SPEF2: variants seen among roughly 807,000 people sequenced by gnomAD.
The protein encoded by SPEF2 is sperm flagellar and cilia associated 2.
Under a neutral mutation model 224.6 loss-of-function variants are expected in SPEF2, and 187 were observed. The observed-to-expected ratio is 0.83, with a 90% confidence interval of 0.74 to 0.94. The LOEUF (loss-of-function observed/expected upper bound fraction) is 0.94. Ranked by LOEUF, SPEF2 falls within the 40% of genes least tolerant of loss-of-function variation. SPEF2 has a pLI of 0.00. For missense variants in SPEF2, 2,170 were observed against 2,135.6 expected (o/e 1.02, Z -0.32); for synonymous variants, 715 against 707.3 (o/e 1.01, Z -0.17).
At position 35,670,527 on chromosome 5, in the gene SPEF2, T is replaced by C. The variant is rs559009877; in HGVS notation, c.1524+300T>C. On this transcript the variant is annotated intron_variant, in intron 10 of 36. Transcript: ENST00000356031. ...ATGCTTTAATTTATTTATTAGCATT[T>C]TTCTTTGTATGGGCTGTGTACTTTT... The C allele has an allele frequency of 2.6e-5, 27 of 1,029,186 alleles. No homozygotes were observed. The South Asian group carries it at 9.6e-4, about 37-fold the overall frequency. The allele number at this position is 1,029,186 out of a possible 1,614,324, so 63.8% of individuals were successfully genotyped here. A position where few individuals can be genotyped will look rare whatever the true frequency, so the allele number is the denominator to read the frequency against.
At chr5:35,731,021 T>G (rs1745556841) in intron 21 of SPEF2, among the ~76,000 whole-genome samples, 2 of 152,172 alleles carry the variant, frequency 1.3e-5, no homozygotes, top group South Asian at 2.1e-4. Flanking sequence ...TAGCCCATCG[T>G]AGGCACTTGA....
In SPEF2 at chr5:35,740,091, G is replaced by A. The variant is rs190548561; in HGVS notation, c.3192-38G>A. 5.1e-3 allele frequency: 8,245 copies of A among 1,613,998 alleles called. 28 individuals carry two copies. Among genetic ancestry groups the A allele is most frequent in the Non-Finnish European group, 6.4e-3 (7,504 of 1,179,982 alleles). ...TCAGAATTTTACAGTTTAGAGGCATGACATATAAAATTTATCTCATTCTAT... is the reference window on the plus strand; with the variant it reads ...TCAGAATTTTACAGTTTAGAGGCATAACATATAAAATTTATCTCATTCTAT... On this transcript the variant is annotated intron_variant, in intron 22 of 36. Coordinates refer to ENST00000356031, the MANE Select transcript of SPEF2 (RefSeq NM_024867.4).
At chr5:35,805,023 T>C (rs991571) in intron 34 of SPEF2, among the ~76,000 whole-genome samples, 28,405 of 152,200 alleles carry the variant, frequency 0.19, 3,630 homozygotes, top group East Asian at 0.48. Flanking sequence ...AGATTATTGA[T>C]GGGTAGCCAA....
intron 1 of SPEF2, among the ~76,000 whole-genome samples, chr5:35,625,735 C>G (rs1744142733): frequency 1.3e-5 from 2 of 152,068 alleles, no homozygotes; most frequent in African/African-American, 4.8e-5. Context: ...AAGCAACAGA[C>G]AGAAGAGGTG....
In SPEF2 at chr5:35,691,060, A is replaced by G; in HGVS notation, c.1548A>G (p.Leu516=). ...EYKNMVGEWA[L]PEEMVDNLPP... is the part of the protein sequence containing the mutation. ...AGAACATGGTTGGAGAGTGGGCCTT[A>G]CCAGAAGAAATGGTTGACAATTTAC... The change falls in exon 11 of 37, where the codon TTA becomes TTG. Residue 516 remains leucine, a synonymous_variant. Coordinates refer to ENST00000356031, the MANE Select transcript of SPEF2 (RefSeq NM_024867.4). 1 of 1,613,974 alleles carries G rather than the reference A, an allele frequency of 6.2e-7. No homozygotes were observed. Among genetic ancestry groups the G allele is most frequent in the Non-Finnish European group, 8.5e-7 (1 of 1,179,910 alleles).
intron 2 of SPEF2, among the ~76,000 whole-genome samples, chr5:35,632,385 G>T (rs1004134998): frequency 6.6e-6 from 1 of 152,038 alleles, no homozygotes; most frequent in Non-Finnish European, 1.5e-5. Flanking sequence ...GAAGGGCCCC[G>T]CATAAAACCA....
At chr5:35,789,224 G>T (rs1358368410) in intron 30 of SPEF2, 1 of 702,992 alleles carries the variant, frequency 1.4e-6, no homozygotes, top group Admixed American at 2.0e-5. Flanking sequence ...CCTTCTCCAA[G>T]CTGACATTGT....
chr5:35,628,426 T>G, intron 1 of SPEF2, 34 bp from the exon 2 acceptor site: 2 of 1,395,176 alleles, frequency 1.4e-6, no homozygotes, highest in South Asian at 2.3e-5. Flanking sequence ...CAACATTGTA[T>G]TCATGGTTTT....
At chr5:35,797,204 G>A (rs1184358698) in intron 33 of SPEF2, among the ~76,000 whole-genome samples, 1 of 152,112 alleles carries the variant, frequency 6.6e-6, no homozygotes, top group Non-Finnish European at 1.5e-5. Context: ...TGGAGCAGGT[G>A]GCTCCCACCT....
chr5:35,656,947 C>T (rs74911657), intron 7 of SPEF2, among the ~76,000 whole-genome samples: 1,636 of 152,298 alleles, frequency 0.011, 34 homozygotes, highest in African/African-American at 0.038. Context: ...GTAGTGAGCC[C>T]AGGCTCCTGT....
intron 2 of SPEF2, among the ~76,000 whole-genome samples, chr5:35,633,995 A>G (rs1030372584): frequency 1.3e-5 from 2 of 152,066 alleles, no homozygotes; most frequent in Non-Finnish European, 2.9e-5. Context: ...AGTCAGTTTT[A>G]TAATTATTGC....
intron 17 of SPEF2, among the ~76,000 whole-genome samples, chr5:35,705,275 A>G (rs189850348): frequency 1.3e-4 from 20 of 152,126 alleles, no homozygotes; most frequent in Admixed American, 2.6e-4. Flanking sequence ...GATCTCTTCA[A>G]TTTCTATCTC....
In SPEF2 at chr5:35,740,004, G is replaced by T. The variant is rs780630129; in HGVS notation, c.3149G>T (p.Arg1050Met). 12 of 1,614,106 alleles carry T rather than the reference G, an allele frequency of 7.4e-6. No homozygotes were observed. Among genetic ancestry groups the T allele is most frequent in the South Asian group, 1.1e-5 (1 of 91,064 alleles). The change falls in exon 22 of 37, where the codon AGG becomes ATG. Residue 1050 changes from arginine to methionine, a missense_variant. By Grantham distance (91) the Arg-to-Met change is moderately conservative. Coordinates refer to ENST00000356031, the MANE Select transcript of SPEF2 (RefSeq NM_024867.4). ...NTIKTVLRHLREDQHTVLAYL... is the reference protein window; with the variant it reads ...NTIKTVLRHLMEDQHTVLAYL... ...ATCAAAACAGTACTCAGGCATCTGA[G>T]GGAAGACCAGCATACTGTGCTTGCT...
chr5:35,719,156 T>G (rs892829259), intron 20 of SPEF2, among the ~76,000 whole-genome samples: 9 of 152,240 alleles, frequency 5.9e-5, no homozygotes, highest in Non-Finnish European at 1.3e-4. Context: ...TCGATCCAGA[T>G]TTTTACATTA....
In SPEF2 at chr5:35,779,366, T is replaced by C. The variant is rs748687806; in HGVS notation, c.4447+20T>C. The stretch of plus-strand genomic sequence containing the variant: ...CTAAAGGTAGGAAAAATAATTATCA[T>C]GAAAAGAGCACAAAAAAAGGTTAAG... On this transcript the variant is annotated intron_variant, in intron 30 of 36. Transcript: ENST00000356031. The C allele has an allele frequency of 9.6e-6, 15 of 1,560,714 alleles. No individual in the cohort carries two copies. The highest frequency in any genetic ancestry group is 1.9e-5 in the Admixed American group (1 of 53,138).
chr5:35,704,028 C>A (rs1739238650), intron 16 of SPEF2, among the ~76,000 whole-genome samples: 1 of 152,110 alleles, frequency 6.6e-6, no homozygotes, highest in Non-Finnish European at 1.5e-5. Context: ...AGGACTCAAT[C>A]AGAGCTGTTG....
At chr5:35,618,409 G>A (rs1395893458) in intron 1 of SPEF2, among the ~76,000 whole-genome samples, 1 of 152,132 alleles carries the variant, frequency 6.6e-6, no homozygotes, top group Non-Finnish European at 1.5e-5. Flanking sequence ...TGTGGAGAGG[G>A]AACTTTGCTG....
intron 2 of SPEF2, among the ~76,000 whole-genome samples, chr5:35,640,911 T>C (rs1291547195): frequency 6.6e-6 from 1 of 152,170 alleles, no homozygotes; most frequent in African/African-American, 2.4e-5. Flanking sequence ...GAGCGCCACA[T>C]CTTTTTGGAA....
intron 30 of SPEF2, among the ~76,000 whole-genome samples, chr5:35,782,376 A>G (rs892839974): frequency 2.6e-5 from 4 of 152,224 alleles, no homozygotes; most frequent in African/African-American, 7.2e-5. Context: ...ATATTATTTC[A>G]TATATGCCCA....
Sources: allele counts gnomAD v4.1 joint callset (sites outside exome capture counted in the v4.1 genomes callset), GRCh38; gene constraint gnomAD v4.1.1; transcripts MANE v1.5; gene names NCBI Gene and HGNC (gene_info 2026-07-23, HGNC 2026-07-21).